The following MTCL2 variants were observed in gnomAD, a reference collection of about 807,000 sequenced individuals.
MTCL2 encodes the protein microtubule cross-linking factor 2.
chr20:36,861,875 G>C, the MTCL2 span, among the ~76,000 whole-genome samples: 1 of 152,158 alleles, frequency 6.6e-6, no homozygotes, highest in African/African-American at 2.4e-5. Context: ...GGAAGCCCTA[G>C]GGTCCCCACA....
chr20:36,815,044 G>T, the MTCL2 span: 2 of 1,366,054 alleles, frequency 1.5e-6, no homozygotes, highest in South Asian at 1.4e-5. The surrounding 1 kb of genome is among the most constrained non-coding windows in gnomAD (Gnocchi z 5.3). Context: ...CCTGGCCAGC[G>T]GGGAGAGACC....
At chr20:36,862,882 G>C in the MTCL2 span, 1 of 1,240,094 alleles carries the variant, frequency 8.1e-7, no homozygotes, top group Non-Finnish European at 1.0e-6. Context: ...TGCCCCGTAC[G>C]GACCCCCGCC....
chr20:36,854,028 T>G, the MTCL2 span, among the ~76,000 whole-genome samples: 1 of 152,046 alleles, frequency 6.6e-6, no homozygotes, highest in Non-Finnish European at 1.5e-5. Flanking sequence ...TCTGAGGTCT[T>G]TAGGGATAGA....
the MTCL2 span, chr20:36,786,070 T>C: frequency 1.0e-6 from 1 of 986,720 alleles, no homozygotes; most frequent in African/African-American, 1.7e-5. Context: ...AAGGGGTGGA[T>C]GGTCAGCAGG....
chr20:36,795,403 T>C, the MTCL2 span, among the ~76,000 whole-genome samples: 1 of 152,156 alleles, frequency 6.6e-6, no homozygotes, highest in Non-Finnish European at 1.5e-5. Flanking sequence ...CTTTGCACTT[T>C]CACCTATACA....
the MTCL2 span, chr20:36,829,275 C>A: frequency 1.3e-6 from 2 of 1,487,460 alleles, no homozygotes; most frequent in East Asian, 2.5e-5. Context: ...CTGCAAGTCC[C>A]ACTGACCACC....
the MTCL2 span, chr20:36,786,594 A>C: frequency 3.2e-6 from 5 of 1,550,936 alleles, no homozygotes; most frequent in Non-Finnish European, 4.4e-6. Context: ...CGATCGGGCG[A>C]AGCAGGAGGT....
At chr20:36,828,975 C>A in the MTCL2 span, 1 of 1,424,236 alleles carries the variant, frequency 7.0e-7, no homozygotes, top group Non-Finnish European at 9.3e-7. Flanking sequence ...AGCGGGGGCT[C>A]ACAGAGACAC....
the MTCL2 span, chr20:36,786,228 T>C: frequency 2.6e-6 from 3 of 1,148,064 alleles, no homozygotes; most frequent in Non-Finnish European, 3.2e-6. Flanking sequence ...CAGTGGATGC[T>C]TGGGAAGCCC....
chr20:36,817,490 A>G, the MTCL2 span: 1 of 1,471,318 alleles, frequency 6.8e-7, no homozygotes, highest in Non-Finnish European at 9.1e-7. Flanking sequence ...ATTTAATTAA[A>G]AAAAAAAAAA....
the MTCL2 span, chr20:36,804,875 C>T: frequency 5.0e-6 from 8 of 1,613,710 alleles, no homozygotes; most frequent in East Asian, 4.5e-5. Flanking sequence ...ACCTTCATGT[C>T]GGCCAGTGTC....
the MTCL2 span, chr20:36,808,862 C>A: frequency 3.6e-6 from 3 of 842,834 alleles, no homozygotes; most frequent in Admixed American, 8.5e-5. Context: ...TGATCCCTGC[C>A]GGGGATCCCA....
the MTCL2 span, among the ~76,000 whole-genome samples, chr20:36,821,311 C>G: frequency 2.2e-4 from 34 of 152,152 alleles, no homozygotes; most frequent in Admixed American, 1.6e-3. Flanking sequence ...CACCTGAGGT[C>G]GGGAGTTCAA....
the MTCL2 span, chr20:36,815,195 C>T: frequency 6.8e-6 from 11 of 1,613,818 alleles, no homozygotes; most frequent in Non-Finnish European, 9.3e-6. The surrounding 1 kb of genome is among the most constrained non-coding windows in gnomAD (Gnocchi z 5.3). Flanking sequence ...CCAAGGGGGG[C>T]AGTGATGAGA....
chr20:36,848,095 G>A, the MTCL2 span, among the ~76,000 whole-genome samples: 2 of 152,238 alleles, frequency 1.3e-5, no homozygotes, highest in Non-Finnish European at 2.9e-5. Flanking sequence ...GCTGCTGTGA[G>A]CCATGAGTGC....
chr20:36,855,136 G>A, the MTCL2 span, among the ~76,000 whole-genome samples: 23 of 152,338 alleles, frequency 1.5e-4, 1 homozygote, highest in South Asian at 4.6e-3. Context: ...GCCAAGTGCT[G>A]TCGGGTCCTT....
chr20:36,804,990 C>A, the MTCL2 span: 2 of 1,464,894 alleles, frequency 1.4e-6, no homozygotes, highest in African/African-American at 1.4e-5. Flanking sequence ...AGGAGTCCAG[C>A]TTGGGACTTC....
chr20:36,799,059 A>G, the MTCL2 span, among the ~76,000 whole-genome samples: 3 of 152,178 alleles, frequency 2.0e-5, no homozygotes, highest in Admixed American at 6.6e-5. Flanking sequence ...AAGGGCAACA[A>G]TGAAAATAAC....
chr20:36,856,707 C>T, the MTCL2 span, among the ~76,000 whole-genome samples: 1 of 152,270 alleles, frequency 6.6e-6, no homozygotes, highest in Non-Finnish European at 1.5e-5. Context: ...TGGCCACACT[C>T]CTTAGTGTTC....
Sources: allele counts gnomAD v4.1 joint callset (sites outside exome capture counted in the v4.1 genomes callset), GRCh38; gene constraint gnomAD v4.1.1; non-coding constraint Gnocchi (gnomAD v3.1); transcripts MANE v1.5; gene names NCBI Gene and HGNC (gene_info 2026-07-23, HGNC 2026-07-21).